Variants in SMYD2 observed in about 807,000 individuals in gnomAD.
SMYD2 encodes the protein N-lysine methyltransferase SMYD2.
Under a neutral mutation model 59.1 loss-of-function variants are expected in SMYD2, and 53 were observed. That is an observed-to-expected ratio of 0.90 (90% CI 0.72 to 1.13). The LOEUF is 1.13. Ranked by LOEUF, SMYD2 falls within the 50% of genes most tolerant of loss-of-function variation. The pLI, the probability that SMYD2 is intolerant of heterozygous loss-of-function variation, is 0.00. For synonymous variants in SMYD2, 208 were observed against 198.8 expected (o/e 1.05, Z -0.39); for missense variants, 494 against 544.7 (o/e 0.91, Z 0.93).
intron 5 of SMYD2, among the ~76,000 whole-genome samples, chr1:214,324,415 T>C (rs72755502): frequency 0.068 from 10,330 of 152,090 alleles, 499 homozygotes; most frequent in Non-Finnish European, 0.1. Flanking sequence ...ATTTAGATGG[T>C]AGGTAGGCTA....
intron 2 of SMYD2, among the ~76,000 whole-genome samples, chr1:214,311,116 T>C (rs1656992843): frequency 6.6e-6 from 1 of 152,236 alleles, no homozygotes; most frequent in Non-Finnish European, 1.5e-5. Flanking sequence ...ATTGTAGGTG[T>C]ACTTTTATCT....
At chr1:214,295,463 G>A (rs1388965529) in intron 1 of SMYD2, among the ~76,000 whole-genome samples, 1 of 152,068 alleles carries the variant, frequency 6.6e-6, no homozygotes, top group African/African-American at 2.4e-5. Context: ...AAACAAATCT[G>A]TGTTATTTTA....
intron 1 of SMYD2, among the ~76,000 whole-genome samples, chr1:214,294,788 C>T (rs1352672173): frequency 6.6e-6 from 1 of 152,210 alleles, no homozygotes; most frequent in African/African-American, 2.4e-5. Flanking sequence ...TGGGAACTCA[C>T]AATTAGCATT....
In SMYD2 at chr1:214,326,272, A is replaced by G. The variant is rs1657260859; in HGVS notation, c.603-1350A>G. Among the ~76,000 whole-genome samples the G allele has an allele frequency of 2.0e-5, 3 of 149,072 alleles. No individual in the cohort carries two copies. The South Asian group carries it at 6.4e-4, about 32-fold the overall frequency. On this transcript the variant is annotated intron_variant, in intron 6 of 11. Transcript: ENST00000366957. The stretch of plus-strand genomic sequence containing the variant: ...AAAAAAAAAAGAGTGAGGTGCTTTG[A>G]GGATTCTCACCTGTCAGTGGTTGCC...
chr1:214,317,974 A>G (rs868336472), intron 3 of SMYD2, 105 bp from the exon 4 acceptor site: 2 of 1,093,942 alleles, frequency 1.8e-6, no homozygotes. Context: ...TACTTCCTTA[A>G]GAATTGTTAC....
chr1:214,285,360 G>A (rs1332567888), intron 1 of SMYD2, among the ~76,000 whole-genome samples: 1 of 152,224 alleles, frequency 6.6e-6, no homozygotes, highest in African/African-American at 2.4e-5. Flanking sequence ...GGTTCTGGCT[G>A]CCTGAAGCTG....
rs1387101879 is a variant in SMYD2 at position 214,312,272 on chromosome 1, CAGTGTGGAGGGA to C, written c.238-2487_238-2476del. 6.6e-6 allele frequency among the ~76,000 whole-genome samples: 1 copy of C among 152,158 alleles called. No individual in the cohort carries two copies. On this transcript the variant is annotated intron_variant, in intron 2 of 11. Transcript: ENST00000366957. The surrounding 1 kb of genome is among the most constrained non-coding windows in gnomAD (Gnocchi z 4.1). ...ATTATGTGCTTCCTTCTTGGGGGAT[CAGTGTGGAGGGA>C]AGCGGGTAGGGAGATATCTTCATTC...
chr1:214,285,233 A>T (rs913803760), intron 1 of SMYD2, among the ~76,000 whole-genome samples: 3 of 152,160 alleles, frequency 2.0e-5, no homozygotes, highest in African/African-American at 7.2e-5. Flanking sequence ...TAGCGTATTC[A>T]TCTTAGCTTT....
intron 2 of SMYD2, among the ~76,000 whole-genome samples, chr1:214,308,657 G>A (rs1324353595): frequency 6.6e-6 from 1 of 152,146 alleles, no homozygotes; most frequent in Non-Finnish European, 1.5e-5. Flanking sequence ...TCAAAGGTAG[G>A]CCCTACCCCC....
At chr1:214,284,959 G>A (rs1656512619) in intron 1 of SMYD2, among the ~76,000 whole-genome samples, 1 of 152,074 alleles carries the variant, frequency 6.6e-6, no homozygotes, top group Non-Finnish European at 1.5e-5. Context: ...TTGATCTTTA[G>A]TTCTCTTGGC....
Position 214,314,888 on chromosome 1 carries a change from A to G in SMYD2, c.348+16A>G, listed in dbSNP as rs761922352. Reference sequence around the variant, plus strand: ...GGCCAAACAGGTGAGGAAATGGGACAATGTTCAAGTGCATTTTATTTTGTT... The same window carrying G: ...GGCCAAACAGGTGAGGAAATGGGACGATGTTCAAGTGCATTTTATTTTGTT... On this transcript the variant is annotated intron_variant, in intron 3 of 11. Coordinates refer to ENST00000366957, the MANE Select transcript of SMYD2 (RefSeq NM_020197.3). The G allele has an allele frequency of 1.3e-6, 2 of 1,572,074 alleles. No individual in the cohort carries two copies. Among genetic ancestry groups the G allele is most frequent in the Non-Finnish European group, 1.7e-6 (2 of 1,142,894 alleles).
chr1:214,293,524 A>C (rs1226372400), intron 1 of SMYD2, among the ~76,000 whole-genome samples: 1 of 152,226 alleles, frequency 6.6e-6, no homozygotes, highest in African/African-American at 2.4e-5. Context: ...ATGCTCAGTA[A>C]GTGCTATTTC....
intron 2 of SMYD2, among the ~76,000 whole-genome samples, chr1:214,311,963 G>A (rs1657004823): frequency 6.6e-6 from 1 of 152,084 alleles, no homozygotes; most frequent in African/African-American, 2.4e-5. Flanking sequence ...GTATCCCGAG[G>A]GTCATCTCTG....
intron 8 of SMYD2, 39 bp downstream of exon 8, chr1:214,330,317 TGA>T: frequency 7.2e-7 from 1 of 1,388,116 alleles, no homozygotes; most frequent in Non-Finnish European, 1.0e-6. Context: ...GACTGCACTC[TGA>T]TCTCAGGACC....
chr1:214,333,278 C>CA (rs1249924087), intron 10 of SMYD2: 1 of 152,322 alleles, frequency 6.6e-6, no homozygotes, highest in Non-Finnish European at 1.5e-5. Flanking sequence ...GAGGAGCAGA[C>CA]AGACAGCATC....
At chr1:214,304,125 C>T (rs1656876912) in intron 1 of SMYD2, among the ~76,000 whole-genome samples, 2 of 152,198 alleles carry the variant, frequency 1.3e-5, no homozygotes, top group South Asian at 4.1e-4. Flanking sequence ...TGTCCCTGTC[C>T]TTTATGGGAA....
chr1:214,306,263 C>CT (rs915073669), intron 2 of SMYD2, among the ~76,000 whole-genome samples: 9 of 152,078 alleles, frequency 5.9e-5, no homozygotes, highest in African/African-American at 2.2e-4. Context: ...GGATTACCCA[C>CT]TATTTCATTT....
At chr1:214,287,530 C>A (rs1365176567) in intron 1 of SMYD2, among the ~76,000 whole-genome samples, 1 of 129,766 alleles carries the variant, frequency 7.7e-6, no homozygotes, top group African/African-American at 2.9e-5. Flanking sequence ...GAGGTTGTGG[C>A]GAGTTGAGAG....
chr1:214,295,626 A>G (rs1235217805), intron 1 of SMYD2, among the ~76,000 whole-genome samples: 1 of 152,132 alleles, frequency 6.6e-6, no homozygotes, highest in Non-Finnish European at 1.5e-5. Context: ...CTAACTTTTA[A>G]CAAGCCTCAG....
Sources: gnomAD v4.1 joint callset for allele counts (sites outside exome capture counted in the v4.1 genomes callset) on GRCh38, gnomAD v4.1.1 for gene constraint, Gnocchi (gnomAD v3.1) non-coding constraint, MANE v1.5 for transcripts, NCBI Gene and HGNC (gene_info 2026-07-23, HGNC 2026-07-21) for gene names.